Variants in TMEM132B observed in about 807,000 individuals in gnomAD.
TMEM132B encodes transmembrane protein 132B.
In TMEM132B, 18 loss-of-function variants were observed where a neutral mutation model predicts 90.8. That is an observed-to-expected ratio of 0.20 (90% CI 0.14 to 0.29). The LOEUF (loss-of-function observed/expected upper bound fraction) is 0.29, where lower values mean the gene tolerates loss of function less well. Among genes scored for constraint, TMEM132B ranks in the 10% least tolerant of loss-of-function variants. The pLI, the probability that TMEM132B is intolerant of heterozygous loss-of-function variation, is 1.00. For synonymous variants in TMEM132B, 504 were observed against 523.3 expected, an observed-to-expected ratio of 0.96 and a Z score of 0.50; for missense variants, 1,096 against 1,326.8, an observed-to-expected ratio of 0.83 and a Z score of 2.70.
intron 3 of TMEM132B, among the ~76,000 whole-genome samples, chr12:125,455,223 G>T (rs535391394): frequency 7.9e-4 from 120 of 152,210 alleles, no homozygotes; most frequent in Non-Finnish European, 1.4e-3. Context: ...ACCCGACTAG[G>T]GGGAGAGAGA....
At chr12:125,452,046 G>A (rs929944335) in intron 3 of TMEM132B, among the ~76,000 whole-genome samples, 3 of 152,214 alleles carry the variant, frequency 2.0e-5, no homozygotes, top group African/African-American at 7.2e-5. Context: ...TTAGGTTTGT[G>A]AGGTTGTCGA....
chr12:125,572,059 C>T (rs1884811610), intron 4 of TMEM132B, among the ~76,000 whole-genome samples: 1 of 152,104 alleles, frequency 6.6e-6, no homozygotes, highest in South Asian at 2.1e-4. Flanking sequence ...ACAAAATGTG[C>T]CATATTGGGT....
At chr12:125,342,097 A>T (rs901701701) in intron 1 of TMEM132B, among the ~76,000 whole-genome samples, 1 of 152,090 alleles carries the variant, frequency 6.6e-6, no homozygotes, top group Non-Finnish European at 1.5e-5. Flanking sequence ...CATTCTGTGG[A>T]CTCTGATAGA....
Position 125,449,307 on chromosome 12 carries a change from A to G in TMEM132B, c.1106+33630A>G, listed in dbSNP as rs149747038. 3.8e-3 allele frequency among the ~76,000 whole-genome samples: 580 copies of G among 152,080 alleles called. 4 individuals are homozygous for G. Among genetic ancestry groups the G allele is most frequent in the Middle Eastern group, 6.8e-3 (2 of 294 alleles). Reference sequence around the variant, plus strand: ...GAGGAAATATCTGGTCAGTTTATCTATTTTGTCTGGTGTGAGCTTTGGTAT... The same window carrying G: ...GAGGAAATATCTGGTCAGTTTATCTGTTTTGTCTGGTGTGAGCTTTGGTAT... On this transcript the variant is annotated intron_variant, in intron 3 of 8. Transcript: ENST00000682704.
intron 2 of TMEM132B, among the ~76,000 whole-genome samples, chr12:125,399,795 G>A (rs1879264434): frequency 6.6e-6 from 1 of 152,148 alleles, no homozygotes; most frequent in Non-Finnish European, 1.5e-5. Context: ...TTTGAGATTG[G>A]CTAAGCGTCT....
At chr12:125,536,865 A>AG (rs1883813010) in intron 4 of TMEM132B, among the ~76,000 whole-genome samples, 1 of 23,790 alleles carries the variant, frequency 4.2e-5, no homozygotes, top group African/African-American at 5.0e-4. Context: ...GATTATCCTG[A>AG]AAAAAAAATA....
Position 125,490,762 on chromosome 12 carries a change from G to A in TMEM132B, c.1107-28677G>A, listed in dbSNP as rs897332572. Among the ~76,000 whole-genome samples the A allele has an allele frequency of 9.9e-5, 15 of 152,112 alleles. No individual in the cohort carries two copies. Among genetic ancestry groups the A allele is most frequent in the Non-Finnish European group, 1.8e-4 (12 of 68,036 alleles). ...ATTACAGGTGTGAGCCACCGCGCCC[G>A]GCCAATTTCTTTCCTTTTGAGTGTA... On this transcript the variant is annotated intron_variant, in intron 3 of 8. Coordinates refer to ENST00000682704, the MANE Select transcript of TMEM132B (RefSeq NM_001366854.1). The surrounding 1 kb of genome is among the most constrained non-coding windows in gnomAD (Gnocchi z 4.2).
At chr12:125,640,315 A>G (rs1450095398) in intron 5 of TMEM132B, among the ~76,000 whole-genome samples, 1 of 152,154 alleles carries the variant, frequency 6.6e-6, no homozygotes, top group Non-Finnish European at 1.5e-5. Flanking sequence ...CCTTATTAGT[A>G]TTAGAAAAGA....
intron 3 of TMEM132B, among the ~76,000 whole-genome samples, chr12:125,517,130 C>T (rs1314848682): frequency 6.6e-6 from 1 of 151,682 alleles, no homozygotes; most frequent in African/African-American, 2.4e-5. Flanking sequence ...CTCATGAGTT[C>T]AGAAACTGCT....
chr12:125,309,740 A>G (rs563103762), intron 1 of TMEM132B, among the ~76,000 whole-genome samples: 3 of 152,338 alleles, frequency 2.0e-5, no homozygotes, highest in African/African-American at 7.2e-5. Context: ...TAAAATTTCT[A>G]GGAGTTGTGT....
intron 4 of TMEM132B, among the ~76,000 whole-genome samples, chr12:125,545,232 T>C (rs1400563050): frequency 6.6e-6 from 1 of 152,194 alleles, no homozygotes; most frequent in African/African-American, 2.4e-5. Context: ...GACTGCTGAA[T>C]GTTGTGCTTG....
At chr12:125,591,299 T>C (rs147934302) in intron 5 of TMEM132B, among the ~76,000 whole-genome samples, 136 of 152,286 alleles carry the variant, frequency 8.9e-4, no homozygotes, top group Middle Eastern at 3.4e-3. Flanking sequence ...TTTCTTTGCC[T>C]TTTCCAACTT....
chr12:125,544,081 C>T (rs572823957), intron 4 of TMEM132B, among the ~76,000 whole-genome samples: 1 of 152,244 alleles, frequency 6.6e-6, no homozygotes, highest in Non-Finnish European at 1.5e-5. Context: ...CTATTATCCT[C>T]GGCAAACTAA....
chr12:125,304,787 C>A (rs1024298575), intron 1 of TMEM132B, among the ~76,000 whole-genome samples: 3 of 152,012 alleles, frequency 2.0e-5, no homozygotes, highest in Non-Finnish European at 4.4e-5. Context: ...ACCATGTCTG[C>A]GCCTGTGAAT....
At position 125,629,815 on chromosome 12, in the gene TMEM132B, G is replaced by GT. The variant is rs1389335497; in HGVS notation, c.1438-14260dup. 2.0e-5 allele frequency among the ~76,000 whole-genome samples: 3 copies of GT among 151,950 alleles called. No individual in the cohort carries two copies. The East Asian group carries it at 5.8e-4, about 29-fold the overall frequency. Reference sequence around the variant, plus strand: ...TTTATTATGTTGAAGTATGTTCCTTGTATACTCAGTTTTTTGAAGGTTTTT... The same window carrying GT: ...TTTATTATGTTGAAGTATGTTCCTTGTTATACTCAGTTTTTTGAAGGTTTTT... On this transcript the variant is annotated intron_variant, in intron 5 of 8. Transcript: ENST00000682704.
intron 1 of TMEM132B, among the ~76,000 whole-genome samples, chr12:125,203,772 A>G (rs941342234): frequency 3.3e-5 from 5 of 152,236 alleles, no homozygotes; most frequent in African/African-American, 1.2e-4. Flanking sequence ...AATTTCTCAT[A>G]GGTTGGCAGA....
At chr12:125,398,122 C>T (rs1036143042) in intron 2 of TMEM132B, among the ~76,000 whole-genome samples, 6 of 152,118 alleles carry the variant, frequency 3.9e-5, no homozygotes, top group African/African-American at 1.4e-4. Flanking sequence ...ACTGAAAAAT[C>T]TACCTAGAGT....
At chr12:125,523,411 C>G (rs1056580542) in intron 4 of TMEM132B, among the ~76,000 whole-genome samples, 32 of 152,106 alleles carry the variant, frequency 2.1e-4, no homozygotes, top group African/African-American at 6.8e-4. Context: ...ATCACCTTCT[C>G]TGAGTCTCCT....
intron 1 of TMEM132B, among the ~76,000 whole-genome samples, chr12:125,239,041 G>C (rs1874005235): frequency 6.6e-6 from 1 of 152,174 alleles, no homozygotes; most frequent in Non-Finnish European, 1.5e-5. Flanking sequence ...TGTTCAGGGA[G>C]AGCATGGTGA....
Sources: allele counts gnomAD v4.1 joint callset (sites outside exome capture counted in the v4.1 genomes callset), GRCh38; gene constraint gnomAD v4.1.1; non-coding constraint Gnocchi (gnomAD v3.1); transcripts MANE v1.5; gene names NCBI Gene and HGNC (gene_info 2026-07-23, HGNC 2026-07-21).